The following TARS1 variants were observed in gnomAD, a reference collection of about 807,000 sequenced individuals.
The protein encoded by TARS1 is threonine--tRNA ligase 1, cytoplasmic.
In TARS1, 57 loss-of-function variants were observed where a neutral mutation model predicts 97.7. That is an observed-to-expected ratio of 0.58 (90% CI 0.47 to 0.73). The LOEUF (loss-of-function observed/expected upper bound fraction) is 0.73. TARS1 is among the 30% of genes least tolerant of loss of function. The pLI is 0.00. For missense variants in TARS1, 806 were observed against 888.3 expected, an observed-to-expected ratio of 0.91 and a Z score of 1.18; for synonymous variants, 312 against 293.7, an observed-to-expected ratio of 1.06 and a Z score of -0.64.
intron 3 of TARS1, chr5:33,452,306 G>T: frequency 6.9e-7 from 1 of 1,453,182 alleles, no homozygotes; most frequent in Non-Finnish European, 9.3e-7. Context: ...GCATTTAGAT[G>T]TATAATCTGG....
At chr5:33,457,182 A>G in intron 8 of TARS1, 75 bp from the exon 9 acceptor site, 1 of 1,549,280 alleles carries the variant, frequency 6.5e-7, no homozygotes, top group South Asian at 1.2e-5. Context: ...ACAAGGCCTC[A>G]AAGCAATTGG....
In TARS1 at chr5:33,453,367, T is replaced by A; in HGVS notation, c.408T>A (p.Asp136Glu). The A allele has an allele frequency of 6.2e-7, 1 of 1,613,530 alleles. No homozygotes were observed. The highest frequency in any genetic ancestry group is 8.5e-7 in the Non-Finnish European group (1 of 1,179,902). ...VWDLDRPLEE[D>E]CTLELLKFED... ...ACCTGGACCGCCCTCTGGAAGAAGA[T>A]TGTACCTTGGAGCTTCTCAAGTTTG... The change falls in exon 4 of 19, where the codon GAT (aspartate) becomes GAA (glutamate). Residue 136 changes from aspartate to glutamate, a missense_variant. Physicochemically the swap from Asp to Glu is conservative, Grantham distance 45. This residue lies in a region of TARS1 where 356 missense variants were observed against 357.8 expected (regional missense o/e 0.99). Transcript: ENST00000265112.
chr5:33,453,783 G>A (rs905710598), intron 4 of TARS1, among the ~76,000 whole-genome samples: 73 of 151,038 alleles, frequency 4.8e-4, no homozygotes, highest in African/African-American at 1.7e-3. Context: ...GCAGTGGTGC[G>A]CTCTTGCCTC....
rs1409794555 is a variant in TARS1 at position 33,452,514 on chromosome 5, CT to C, written c.330-771del. 9 of 1,075,994 alleles carry C rather than the reference CT, an allele frequency of 8.4e-6. No homozygotes were observed. The East Asian group carries it at 2.1e-4, about 25-fold the overall frequency. The allele number at this position is 1,075,994 out of a possible 1,614,324, so 66.7% of individuals were successfully genotyped here. A position where few individuals can be genotyped will look rare whatever the true frequency, so the allele number is the denominator to read the frequency against. ...CTTTCCCTCCTCAGAACTCCTGTAG[CT>C]TTTACACTCTGTGTGCTCTGATATT... is the stretch of plus-strand genomic sequence containing the variant. On this transcript the variant is annotated intron_variant, in intron 3 of 18. Transcript: ENST00000265112.
chr5:33,456,907 C>G (rs1249703132), intron 8 of TARS1, among the ~76,000 whole-genome samples: 1 of 152,192 alleles, frequency 6.6e-6, no homozygotes, highest in Non-Finnish European at 1.5e-5. Flanking sequence ...AGCAGTCCTC[C>G]TGCCTTAGCC....
chr5:33,444,838 A>G (rs764292426), intron 1 of TARS1, among the ~76,000 whole-genome samples: 8 of 152,210 alleles, frequency 5.3e-5, no homozygotes, highest in Non-Finnish European at 1.0e-4. Flanking sequence ...TCACACATGT[A>G]TGCCTTACTT....
At chr5:33,449,701 C>T (rs529353645) in intron 3 of TARS1, among the ~76,000 whole-genome samples, 10 of 151,932 alleles carry the variant, frequency 6.6e-5, no homozygotes, top group Admixed American at 1.3e-4. Context: ...GTGATCCGTC[C>T]GCCTCGGCCT....
chr5:33,452,298 A>G (rs1741784362), intron 3 of TARS1: 2 of 1,402,122 alleles, frequency 1.4e-6, no homozygotes, highest in Non-Finnish European at 2.0e-6. Context: ...CTAGCTGTGC[A>G]TTTAGATGTA....
chr5:33,441,217 G>C (rs1465954046), intron 1 of TARS1, 74 bp downstream of exon 1: 5 of 1,585,820 alleles, frequency 3.2e-6, no homozygotes, highest in Non-Finnish European at 4.3e-6. Flanking sequence ...CGCGGCGGGA[G>C]CGGGGGGCAG....
At chr5:33,452,229 A>G (rs1030725094) in intron 3 of TARS1, 3 of 783,344 alleles carry the variant, frequency 3.8e-6, no homozygotes, top group Non-Finnish European at 6.3e-6. Flanking sequence ...TTTTCTTCAC[A>G]GTGTAGAATG....
chr5:33,466,761 C>T, intron 17 of TARS1, 110 bp from the exon 18 acceptor site: 1 of 630,878 alleles, frequency 1.6e-6, no homozygotes, highest in South Asian at 3.3e-5. Context: ...GCTTTAAATT[C>T]CTGGAAGTTC....
chr5:33,442,590 C>T (rs1400485030), intron 1 of TARS1, among the ~76,000 whole-genome samples: 1 of 152,066 alleles, frequency 6.6e-6, no homozygotes, highest in Non-Finnish European at 1.5e-5. Context: ...GGCTGGAGTG[C>T]CGTGGTGCGA....
In TARS1 at chr5:33,442,320, C is replaced by CTT. The variant is rs763508345; in HGVS notation, c.57+1198_57+1199dup. On this transcript the variant is annotated intron_variant, in intron 1 of 18. Transcript: ENST00000265112. ...AAATGATATTTTTACTGTTTTGTAA[C>CTT]TTTTTTTTTTTTTTTTTTTTTTGCT... 6.4e-3 allele frequency among the ~76,000 whole-genome samples: 667 copies of CTT among 104,582 alleles called. 2 individuals are homozygous for CTT. Among genetic ancestry groups the CTT allele is most frequent in the South Asian group, 0.022 (65 of 2,946 alleles). The allele number at this position is 104,582 out of a possible 152,430, so 68.6% of individuals were successfully genotyped here.
intron 9 of TARS1, 74 bp downstream of exon 9, chr5:33,457,477 T>C: frequency 6.5e-7 from 1 of 1,537,618 alleles, no homozygotes; most frequent in Admixed American, 1.9e-5. Flanking sequence ...TTCAGCTGCA[T>C]GAAGTACTAG....
chr5:33,441,005 C>T lies in TARS1; in HGVS notation c.-82C>T, dbSNP rs1307402373. The stretch of plus-strand genomic sequence containing the variant: ...TCCAGCCGAGGCCAAGTCCCGGGCG[C>T]TAGCCCACCTCCCACCCGCCTCTTG... On this transcript the variant is annotated 5_prime_UTR_variant, in exon 1 of 19. Coordinates refer to ENST00000265112, the MANE Select transcript of TARS1 (RefSeq NM_152295.5). 7 of 1,578,784 alleles carry T rather than the reference C, an allele frequency of 4.4e-6. No individual in the cohort carries two copies. In the South Asian group the frequency reaches 4.5e-5, roughly 10 times the overall value.
Position 33,442,281 on chromosome 5 carries a change from AT to A in TARS1, c.57+1145del, listed in dbSNP as rs77949355. Reference sequence around the variant, plus strand: ...GATGATAAATGGTGACTATACGTAGATTTTTTTCACATAAAATGATATTTTT... The same window carrying A: ...GATGATAAATGGTGACTATACGTAGATTTTTTCACATAAAATGATATTTTT... On this transcript the variant is annotated intron_variant, in intron 1 of 18. Coordinates refer to ENST00000265112, the MANE Select transcript of TARS1 (RefSeq NM_152295.5). 2.1e-3 allele frequency among the ~76,000 whole-genome samples: 279 copies of A among 136,014 alleles called. 3 individuals are homozygous for A. The East Asian group carries it at 0.059, about 29-fold the overall frequency. The allele number at this position is 136,014 out of a possible 152,430, so 89.2% of individuals were successfully genotyped here.
intron 17 of TARS1, among the ~76,000 whole-genome samples, chr5:33,464,830 C>T (rs1324555043): frequency 6.6e-6 from 1 of 152,058 alleles, no homozygotes; most frequent in African/African-American, 2.4e-5. Context: ...GTAATCCCAG[C>T]ACTTTGGGAG....
intron 1 of TARS1, among the ~76,000 whole-genome samples, chr5:33,443,369 C>G (rs1741237151): frequency 1.3e-5 from 2 of 148,962 alleles, no homozygotes; most frequent in East Asian, 2.0e-4. Flanking sequence ...CTCACTACCC[C>G]TGTTCATTTG....
intron 11 of TARS1, chr5:33,460,088 C>G (rs1742220844): frequency 2.6e-6 from 1 of 390,962 alleles, no homozygotes; most frequent in Non-Finnish European, 4.5e-6. Flanking sequence ...GCGATTATAG[C>G]TCACTGCAGC....
Sources: gnomAD v4.1 joint callset for allele counts (sites outside exome capture counted in the v4.1 genomes callset) on GRCh38, gnomAD v4.1.1 for gene constraint, gnomAD v4.1.1 regional missense constraint, MANE v1.5 for transcripts, NCBI Gene and HGNC (gene_info 2026-07-23, HGNC 2026-07-21) for gene names.